Variants in STAG1 observed in about 807,000 individuals in gnomAD.
The protein encoded by STAG1 is STAG1 cohesin complex component.
A neutral mutation model predicts 170.9 loss-of-function variants in STAG1; 26 were observed. The observed-to-expected ratio is 0.15, with a 90% CI of 0.11 to 0.21. The LOEUF is 0.21. Among genes scored for constraint, STAG1 ranks in the 10% least tolerant of loss-of-function variants. The pLI is 1.00. For missense variants in STAG1, 964 were observed against 1,509.5 expected (o/e 0.64, Z 5.99); for synonymous variants, 514 against 497.7 (o/e 1.03, Z -0.44).
chr3:136,649,503 C>CAAAAAAAAAAAAAAAAAAAAAAAAAA (rs761067087), intron 1 of STAG1, among the ~76,000 whole-genome samples: 10 of 70,804 alleles, frequency 1.4e-4, no homozygotes, highest in Non-Finnish European at 1.8e-4. Context: ...AAAACAGAAA[C>CAAAAAAAAAAAAAAAAAAAAAAAAAA]AAAAAAAAAA....
intron 5 of STAG1, among the ~76,000 whole-genome samples, chr3:136,546,093 C>G (rs1392510049): frequency 6.6e-6 from 1 of 151,998 alleles, no homozygotes; most frequent in African/African-American, 2.4e-5. Flanking sequence ...GCTAGTATAG[C>G]CCAGGGCCAA....
chr3:136,599,240 AGAGATTGG>A (rs917586949), intron 4 of STAG1, among the ~76,000 whole-genome samples: 75 of 152,238 alleles, frequency 4.9e-4, no homozygotes, highest in Non-Finnish European at 3.2e-4. Flanking sequence ...TTAAAAGGAA[AGAGATTGG>A]GCTAGGTGTG....
chr3:136,347,823 T>C (rs1390697051), intron 29 of STAG1, among the ~76,000 whole-genome samples: 1 of 152,222 alleles, frequency 6.6e-6, no homozygotes, highest in Non-Finnish European at 1.5e-5. Flanking sequence ...TATCTAATAT[T>C]CACGGGAACT....
At chr3:136,559,438 T>C (rs1313689713) in intron 5 of STAG1, among the ~76,000 whole-genome samples, 1 of 152,064 alleles carries the variant, frequency 6.6e-6, no homozygotes, top group Non-Finnish European at 1.5e-5. Context: ...CCAATTACAA[T>C]TGTAGGTAAC....
chr3:136,716,459 T>C (rs1015290308), intron 1 of STAG1, among the ~76,000 whole-genome samples: 1 of 151,442 alleles, frequency 6.6e-6, no homozygotes, highest in East Asian at 1.9e-4. Context: ...CAAAACTCCA[T>C]CTCAAAAAAG....
intron 6 of STAG1, among the ~76,000 whole-genome samples, chr3:136,541,734 T>C (rs3931416): frequency 0.19 from 28,951 of 152,138 alleles, 4,806 homozygotes; most frequent in African/African-American, 0.46. Context: ...TAATATGTGG[T>C]CCTGCTTAGA....
intron 1 of STAG1, chr3:136,737,087 G>C: frequency 3.0e-6 from 3 of 1,002,584 alleles, no homozygotes; most frequent in Non-Finnish European, 3.2e-6. Context: ...TGAAGTAAGA[G>C]GAACCAGGAC....
chr3:136,727,362 A>G (rs1027296285), intron 1 of STAG1, among the ~76,000 whole-genome samples: 1 of 152,184 alleles, frequency 6.6e-6, no homozygotes, highest in African/African-American at 2.4e-5. Flanking sequence ...AGAGCCTAAC[A>G]AAGCCCTCAT....
chr3:136,540,829 A>AAAAAAAAAAAC (rs1935856773), intron 6 of STAG1, among the ~76,000 whole-genome samples: 1 of 113,638 alleles, frequency 8.8e-6, no homozygotes, highest in African/African-American at 8.9e-5. Flanking sequence ...CTCCAAAAAA[A>AAAAAAAAAAAC]AAAAAAAAAA....
At chr3:136,582,251 A>G (rs1007151712) in intron 4 of STAG1, among the ~76,000 whole-genome samples, 3 of 152,186 alleles carry the variant, frequency 2.0e-5, no homozygotes, top group Non-Finnish European at 4.4e-5. Flanking sequence ...CAAATGTATC[A>G]AAGGTACATA....
chr3:136,730,353 C>G (rs1559977686), intron 1 of STAG1, among the ~76,000 whole-genome samples: 1 of 152,146 alleles, frequency 6.6e-6, no homozygotes, highest in Non-Finnish European at 1.5e-5. Flanking sequence ...CATCCAAATT[C>G]AAGAACCCAA....
chr3:136,456,182 T>C lies in STAG1; in HGVS notation c.1314-4035A>G, dbSNP rs1269520877. Among the ~76,000 whole-genome samples the C allele has an allele frequency of 2.0e-5, 3 of 152,110 alleles. No individual in the cohort carries two copies. In the South Asian group the frequency reaches 6.2e-4, roughly 32 times the overall value. ...GCAACAGATCCAGAAAAACTGAAGATCTATGAAATGTCTGACAGGCAATTC... is the reference window on the plus strand; with the variant it reads ...GCAACAGATCCAGAAAAACTGAAGACCTATGAAATGTCTGACAGGCAATTC... On this transcript the variant is annotated intron_variant, in intron 13 of 33. Transcript: ENST00000383202.
At chr3:136,617,159 C>G (rs1263708679) in intron 3 of STAG1, among the ~76,000 whole-genome samples, 1 of 152,156 alleles carries the variant, frequency 6.6e-6, no homozygotes, top group Non-Finnish European at 1.5e-5. Context: ...AACATGGCAC[C>G]AACTCTGCAA....
chr3:136,472,769 A>G (rs974424353), intron 11 of STAG1, among the ~76,000 whole-genome samples: 1 of 152,248 alleles, frequency 6.6e-6, no homozygotes, highest in African/African-American at 2.4e-5. Flanking sequence ...CAAGCTGTAA[A>G]GAAAATTTTA....
At chr3:136,392,088 G>A (rs2087024817) in intron 22 of STAG1, among the ~76,000 whole-genome samples, 1 of 152,044 alleles carries the variant, frequency 6.6e-6, no homozygotes, top group African/African-American at 2.4e-5. Context: ...AAAAATTTTA[G>A]AAAAGTACTC....
At chr3:136,579,183 CAGCT>C (rs1937540629) in intron 4 of STAG1, among the ~76,000 whole-genome samples, 1 of 152,220 alleles carries the variant, frequency 6.6e-6, no homozygotes. Context: ...ACTTGATATG[CAGCT>C]ACTGACCTCA....
At chr3:136,472,362 A>G (rs2089648355) in intron 12 of STAG1, 51 bp downstream of exon 12, 1 of 1,350,338 alleles carries the variant, frequency 7.4e-7, no homozygotes, top group Non-Finnish European at 1.0e-6. Flanking sequence ...AATCCTGGGG[A>G]AAAGGTATTA....
At chr3:136,737,138 G>A in intron 1 of STAG1, 1 of 799,008 alleles carries the variant, frequency 1.3e-6, no homozygotes, top group South Asian at 1.3e-5. Context: ...TTAGAACCAA[G>A]TCTCTCTTCT....
chr3:136,641,458 G>C (rs1166056619), intron 1 of STAG1, among the ~76,000 whole-genome samples: 2 of 152,180 alleles, frequency 1.3e-5, no homozygotes, highest in Non-Finnish European at 2.9e-5. Context: ...CTAATAGTGA[G>C]ACATATTAAC....
Sources: gnomAD v4.1 joint callset for allele counts (sites outside exome capture counted in the v4.1 genomes callset) on GRCh38, gnomAD v4.1.1 for gene constraint, MANE v1.5 for transcripts, NCBI Gene and HGNC (gene_info 2026-07-23, HGNC 2026-07-21) for gene names.